The following CTNNA3 variants were observed in gnomAD, a reference collection of about 807,000 sequenced individuals.
CTNNA3 encodes catenin alpha 3.
In CTNNA3, 76 loss-of-function variants were observed where a neutral mutation model predicts 95.7. That is an observed-to-expected ratio of 0.79 (90% CI 0.66 to 0.96). CTNNA3 has a LOEUF of 0.96. Among genes scored for constraint, CTNNA3 ranks in the 40% least tolerant of loss-of-function variants. CTNNA3 has a pLI of 0.00. For missense variants in CTNNA3, 1,191 were observed against 1,089.8 expected, an observed-to-expected ratio of 1.09 and a Z score of -1.31; for synonymous variants, 431 against 374.4, an observed-to-expected ratio of 1.15 and a Z score of -1.74.
chr10:67,562,500 G>C lies in CTNNA3; in HGVS notation c.293-22831C>G, dbSNP rs188591183. On this transcript the variant is annotated intron_variant, in intron 3 of 17. Transcript: ENST00000433211. ...GATGGGACATATCTCAAAATAATAA[G>C]AGCTATCTATGACAAACCCACAGCC... Among the ~76,000 whole-genome samples, 264 of 152,170 alleles carry C rather than the reference G, an allele frequency of 1.7e-3. 1 individual carries two copies. The highest frequency in any genetic ancestry group is 6.0e-3 in the African/African-American group (248 of 41,492).
intron 7 of CTNNA3, among the ~76,000 whole-genome samples, chr10:67,132,328 C>G (rs1860056401): frequency 6.6e-6 from 1 of 152,044 alleles, no homozygotes; most frequent in South Asian, 2.1e-4. Flanking sequence ...AAGTAGAAAT[C>G]TAAGAGTCGG....
intron 5 of CTNNA3, among the ~76,000 whole-genome samples, chr10:67,386,731 T>C (rs1323470477): frequency 6.6e-6 from 1 of 152,200 alleles, no homozygotes; most frequent in Non-Finnish European, 1.5e-5. Context: ...AGGGGTTTCA[T>C]TTACTTATGA....
chr10:66,879,553 A>G (rs1256993150), intron 7 of CTNNA3, among the ~76,000 whole-genome samples: 2 of 152,134 alleles, frequency 1.3e-5, no homozygotes, highest in African/African-American at 2.4e-5. Flanking sequence ...TTTGGGATGT[A>G]CAAGAGTATA....
chr10:66,200,900 T>C (rs2087357624), intron 13 of CTNNA3, among the ~76,000 whole-genome samples: 1 of 152,214 alleles, frequency 6.6e-6, no homozygotes, highest in Non-Finnish European at 1.5e-5. Context: ...CAAATCAGCC[T>C]ATCTTCTCAT....
intron 9 of CTNNA3, among the ~76,000 whole-genome samples, chr10:66,723,900 G>A (rs888121958): frequency 1.3e-5 from 2 of 152,060 alleles, no homozygotes; most frequent in Non-Finnish European, 2.9e-5. Flanking sequence ...GATTTTCAGA[G>A]GAGTCTCATA....
chr10:66,482,534 C>T (rs911701559), intron 11 of CTNNA3, among the ~76,000 whole-genome samples: 24 of 151,668 alleles, frequency 1.6e-4, no homozygotes, highest in Admixed American at 3.9e-4. Flanking sequence ...TGAGCTGATG[C>T]GTTAAACCAA....
intron 11 of CTNNA3, among the ~76,000 whole-genome samples, chr10:66,471,864 A>C (rs1007849536): frequency 2.6e-5 from 4 of 151,878 alleles, no homozygotes; most frequent in African/African-American, 4.8e-5. Context: ...CTCAAACAAA[A>C]CCCCCCAAAA....
chr10:67,619,802 T>C (rs1418393845), intron 2 of CTNNA3, among the ~76,000 whole-genome samples: 2 of 152,136 alleles, frequency 1.3e-5, no homozygotes, highest in South Asian at 2.1e-4. Flanking sequence ...TCTTCAAGAC[T>C]TTGAAAGAAA....
chr10:67,254,802 A>G (rs1289043494), intron 5 of CTNNA3, among the ~76,000 whole-genome samples: 2 of 152,182 alleles, frequency 1.3e-5, no homozygotes, highest in Non-Finnish European at 2.9e-5. Flanking sequence ...TGTATCATGT[A>G]ACGTAGGTGG....
intron 13 of CTNNA3, among the ~76,000 whole-genome samples, chr10:66,237,240 T>A (rs1293320338): frequency 1.3e-5 from 2 of 152,204 alleles, no homozygotes; most frequent in African/African-American, 4.8e-5. Context: ...GAAGGCAGGA[T>A]GGCTTCCTCT....
intron 13 of CTNNA3, among the ~76,000 whole-genome samples, chr10:66,107,413 C>A (rs550051362): frequency 6.6e-6 from 1 of 152,044 alleles, no homozygotes; most frequent in Non-Finnish European, 1.5e-5. Context: ...GAACATTATT[C>A]GGTGACTGGG....
chr10:66,422,154 A>C (rs1262353128), intron 11 of CTNNA3, among the ~76,000 whole-genome samples: 1 of 152,006 alleles, frequency 6.6e-6, no homozygotes, highest in Non-Finnish European at 1.5e-5. Flanking sequence ...TTACTTTATA[A>C]TCCTCAAGTT....
At chr10:67,699,022 C>A (rs1841011731), upstream of CTNNA3, among the ~76,000 whole-genome samples, 1 of 152,080 alleles carries the variant, frequency 6.6e-6, no homozygotes, top group Non-Finnish European at 1.5e-5. Context: ...TACCCTCCCT[C>A]CTATTAAAAT....
intron 1 of CTNNA3, among the ~76,000 whole-genome samples, chr10:67,723,418 A>C (rs1391014342): frequency 1.3e-5 from 2 of 151,932 alleles, no homozygotes; most frequent in African/African-American, 2.4e-5. Context: ...CTGCCTCCCA[A>C]GTAGTGGAAC....
At chr10:66,989,610 A>G (rs1451161039) in intron 7 of CTNNA3, among the ~76,000 whole-genome samples, 5 of 152,184 alleles carry the variant, frequency 3.3e-5, no homozygotes, top group African/African-American at 1.2e-4. Context: ...ATGTGTATAT[A>G]TATACATACT....
At chr10:66,967,287 G>GATAGAT (rs1038868335) in intron 7 of CTNNA3, among the ~76,000 whole-genome samples, 1 of 151,214 alleles carries the variant, frequency 6.6e-6, no homozygotes, top group Non-Finnish European at 1.5e-5. Flanking sequence ...TCTGCTAGTG[G>GATAGAT]ATAGATATAG....
intron 11 of CTNNA3, among the ~76,000 whole-genome samples, chr10:66,394,496 C>T (rs1416537119): frequency 6.7e-6 from 1 of 149,670 alleles, no homozygotes; most frequent in East Asian, 2.0e-4. Context: ...TGTCCCATTG[C>T]TTCCTCTCCC....
chr10:66,898,604 T>A (rs1845597551), intron 7 of CTNNA3, among the ~76,000 whole-genome samples: 1 of 152,118 alleles, frequency 6.6e-6, no homozygotes, highest in South Asian at 2.1e-4. Context: ...GATAGCATCT[T>A]CAACAAATAA....
intron 10 of CTNNA3, among the ~76,000 whole-genome samples, chr10:66,558,915 G>T (rs74143409): frequency 6.6e-6 from 1 of 151,922 alleles, no homozygotes; most frequent in Non-Finnish European, 1.5e-5. Flanking sequence ...AAATCCAAAT[G>T]TCTTTTTATA....
Sources: gnomAD v4.1 joint callset for allele counts (sites outside exome capture counted in the v4.1 genomes callset) on GRCh38, gnomAD v4.1.1 for gene constraint, MANE v1.5 for transcripts, NCBI Gene and HGNC (gene_info 2026-07-23, HGNC 2026-07-21) for gene names.